NIPSNAP3A: variants seen among roughly 807,000 people sequenced by gnomAD.
The protein encoded by NIPSNAP3A is protein NipSnap homolog 3A.
In NIPSNAP3A, 27 loss-of-function variants were observed where a neutral mutation model predicts 32.3. The ratio of observed to expected loss-of-function variants is 0.84; its 90% CI spans 0.62 to 1.15. The LOEUF (loss-of-function observed/expected upper bound fraction) is 1.15. NIPSNAP3A is among the 50% of genes most tolerant of loss of function. The probability of loss-of-function intolerance (pLI) is 0.00; values close to 1 mark genes in which losing one functional copy is unlikely to be tolerated. For missense variants in NIPSNAP3A, 278 were observed against 297.2 expected (o/e 0.94, Z 0.48); for synonymous variants, 108 against 107.3 (o/e 1.01, Z -0.04).
At chr9:104,751,299 C>G in intron 2 of NIPSNAP3A, 133 bp downstream of exon 2, 1 of 836,668 alleles carries the variant, frequency 1.2e-6, no homozygotes, top group Middle Eastern at 3.5e-4. Context: ...TTAACTAAGA[C>G]TTTTGAAAAG....
intron 4 of NIPSNAP3A, among the ~76,000 whole-genome samples, chr9:104,756,713 A>G (rs1827910155): frequency 6.6e-6 from 1 of 152,030 alleles, no homozygotes; most frequent in Admixed American, 6.6e-5. Flanking sequence ...GTGTATGTGT[A>G]TAGGTGTGCT....
At chr9:104,757,086 C>T (rs1321290830) in intron 4 of NIPSNAP3A, among the ~76,000 whole-genome samples, 1 of 152,196 alleles carries the variant, frequency 6.6e-6, no homozygotes, top group Admixed American at 6.5e-5. Flanking sequence ...TGAGCCACTA[C>T]ACCTAGCCTC....
At chr9:104,749,913 G>A (rs1261190070) in intron 1 of NIPSNAP3A, among the ~76,000 whole-genome samples, 2 of 151,904 alleles carry the variant, frequency 1.3e-5, no homozygotes, top group African/African-American at 4.8e-5. Context: ...AGAAAATTTT[G>A]ACTCTGAATT....
intron 1 of NIPSNAP3A, 40 bp downstream of exon 1, chr9:104,747,892 A>G: frequency 7.1e-7 from 1 of 1,400,588 alleles, no homozygotes; most frequent in Non-Finnish European, 9.6e-7. Context: ...ACCCGACGGG[A>G]GGGGAGGGGC....
intron 1 of NIPSNAP3A, 122 bp downstream of exon 1, chr9:104,747,974 G>C: frequency 2.1e-6 from 2 of 975,542 alleles, no homozygotes; most frequent in South Asian, 3.3e-5. Flanking sequence ...CAGACCTGGG[G>C]CCCCGGTGAG....
rs1827864002 is a variant in NIPSNAP3A at position 104,752,989 on chromosome 9, G to C, written c.355G>C (p.Ala119Pro). The change falls in exon 3 of 6, where the codon GCT becomes CCT. Residue 119 changes from alanine (A) to proline (P), a missense_variant. Physicochemically the swap from Ala to Pro is conservative, Grantham distance 27. Transcript: ENST00000374767. ...WQEQFLIPNLALIDKQESEIT... is the reference protein window; with the variant it reads ...WQEQFLIPNLPLIDKQESEIT... ...AGAACAATTCCTCATTCCAAATTTG[G>C]CTCTCATTGATAAACAAGAGAGTGA... The C allele has an allele frequency of 1.2e-6, 2 of 1,612,838 alleles. No individual in the cohort carries two copies. Among genetic ancestry groups the C allele is most frequent in the Non-Finnish European group, 1.7e-6 (2 of 1,178,944 alleles).
intron 4 of NIPSNAP3A, among the ~76,000 whole-genome samples, chr9:104,755,446 A>C (rs1588161466): frequency 1.3e-5 from 2 of 152,180 alleles, no homozygotes; most frequent in South Asian, 4.2e-4. Flanking sequence ...AGTTTTATAT[A>C]TATCTATATA....
Position 104,759,329 on chromosome 9 carries a change from A to C in NIPSNAP3A, c.735A>C (p.Pro245=). Residue 245 remains proline, a synonymous_variant, in exon 6 of 6, where the codon CCA becomes CCC. Transcript: ENST00000374767. ...NMLLIPTSFS[P]LK Reference sequence around the variant, plus strand: ...TTCTGATTCCTACATCGTTTTCACCACTGAAATAGTTTTCTACTGAAATAC... The same window carrying C: ...TTCTGATTCCTACATCGTTTTCACCCCTGAAATAGTTTTCTACTGAAATAC... 1 of 1,613,276 alleles carries C rather than the reference A, an allele frequency of 6.2e-7. No homozygotes were observed. The highest frequency in any genetic ancestry group is 8.5e-7 in the Non-Finnish European group (1 of 1,179,726).
chr9:104,750,600 C>A lies in NIPSNAP3A; in HGVS notation c.61-356C>A, dbSNP rs576489556. Among the ~76,000 whole-genome samples the A allele has an allele frequency of 1.7e-4, 26 of 152,306 alleles. 1 individual carries two copies. The highest frequency in any genetic ancestry group is 1.7e-3 in the South Asian group (8 of 4,828). On this transcript the variant is annotated intron_variant, in intron 1 of 5. Coordinates refer to ENST00000374767, the MANE Select transcript of NIPSNAP3A (RefSeq NM_015469.3). ...CTTCATTTATATACGGCTTACACCA[C>A]ATAGCCAATGGGACACCTCTAGAGG...
intron 1 of NIPSNAP3A, among the ~76,000 whole-genome samples, chr9:104,750,162 G>A (rs2118748773): frequency 6.6e-6 from 1 of 152,096 alleles, no homozygotes; most frequent in East Asian, 1.9e-4. Flanking sequence ...AGTTAATAAA[G>A]TTCTTTGATG....
chr9:104,758,311 G>A (rs1438882971), intron 4 of NIPSNAP3A, among the ~76,000 whole-genome samples: 1 of 151,998 alleles, frequency 6.6e-6, no homozygotes, highest in Non-Finnish European at 1.5e-5. Flanking sequence ...ATTTTCTAAA[G>A]GAAGTACAAT....
At chr9:104,749,488 A>G (rs1189876126) in intron 1 of NIPSNAP3A, among the ~76,000 whole-genome samples, 1 of 152,244 alleles carries the variant, frequency 6.6e-6, no homozygotes, top group Admixed American at 6.5e-5. Context: ...CATACTGGCT[A>G]GTCAGTATAA....
intron 3 of NIPSNAP3A, chr9:104,753,503 AT>A (rs1446615838): frequency 1.9e-5 from 3 of 159,356 alleles, no homozygotes; most frequent in Non-Finnish European, 4.1e-5. Flanking sequence ...AAAACTGAGT[AT>A]TTGGGGGAAA....
intron 1 of NIPSNAP3A, 32 bp from the exon 2 acceptor site, chr9:104,750,924 C>G (rs1271475578): frequency 6.6e-7 from 1 of 1,518,682 alleles, no homozygotes; most frequent in South Asian, 1.1e-5. Context: ...CCTGTCTTCT[C>G]AAGATATTTA....
chr9:104,747,939 G>A, intron 1 of NIPSNAP3A, 87 bp downstream of exon 1: 1 of 1,296,094 alleles, frequency 7.7e-7, no homozygotes, highest in Admixed American at 2.3e-5. Flanking sequence ...CGAGCAATGC[G>A]CATGCGCTCT....
intron 2 of NIPSNAP3A, 112 bp downstream of exon 2, chr9:104,751,278 A>G (rs554022184): frequency 1.9e-5 from 18 of 969,300 alleles, no homozygotes; most frequent in Non-Finnish European, 1.5e-5. Flanking sequence ...ATTATTTTAG[A>G]TACATACAGG....
rs781758865 is a variant in NIPSNAP3A, at chr9:104,759,335, A to G, written c.741A>G (p.Lys247=). Residue 247 remains lysine (K), a synonymous_variant, in exon 6 of 6, where the codon AAA becomes AAG. Coordinates refer to ENST00000374767, the MANE Select transcript of NIPSNAP3A (RefSeq NM_015469.3). ...TTCCTACATCGTTTTCACCACTGAAATAGTTTTCTACTGAAATACAAAACA... is the reference window on the plus strand; with the variant it reads ...TTCCTACATCGTTTTCACCACTGAAGTAGTTTTCTACTGAAATACAAAACA... ...LLIPTSFSPL[K] The G allele has an allele frequency of 6.2e-7, 1 of 1,602,644 alleles. No homozygotes were observed. The highest frequency in any genetic ancestry group is 8.5e-7 in the Non-Finnish European group (1 of 1,170,014).
chr9:104,756,093 C>T (rs1382300401), intron 4 of NIPSNAP3A, among the ~76,000 whole-genome samples: 1 of 151,954 alleles, frequency 6.6e-6, no homozygotes, highest in East Asian at 1.9e-4. Flanking sequence ...AATAATCTAT[C>T]ATAAGAAAAT....
intron 2 of NIPSNAP3A, 132 bp from the exon 3 acceptor site, chr9:104,752,774 G>T (rs1401600213): frequency 1.4e-6 from 1 of 730,000 alleles, no homozygotes. Flanking sequence ...TGTTTACGTT[G>T]GTGTCTCCAA....
Sources: gnomAD v4.1 joint callset for allele counts (sites outside exome capture counted in the v4.1 genomes callset) on GRCh38, gnomAD v4.1.1 for gene constraint, MANE v1.5 for transcripts, NCBI Gene and HGNC (gene_info 2026-07-23, HGNC 2026-07-21) for gene names.